Variants in ERBB4 observed in about 807,000 individuals in gnomAD.
ERBB4 encodes erb-b2 receptor tyrosine kinase 4.
Under a neutral mutation model 158.0 loss-of-function variants are expected in ERBB4, and 42 were observed. That is an observed-to-expected ratio of 0.27 (90% CI 0.21 to 0.34). ERBB4 has a LOEUF of 0.34. Among genes scored for constraint, ERBB4 ranks in the 10% least tolerant of loss-of-function variants. The pLI is 1.00. For synonymous variants in ERBB4, 583 were observed against 558.7 expected, an observed-to-expected ratio of 1.04 and a Z score of -0.61; for missense variants, 1,333 against 1,624.1, an observed-to-expected ratio of 0.82 and a Z score of 3.08.
In ERBB4 at chr2:212,509,568, T is replaced by A. The variant is rs1163958211; in HGVS notation, c.82+28881A>T. ...ACTATTAAGAATTACCTGTAAATAA[T>A]TTAATTTAAATAAGTTTATGTTCCA... On this transcript the variant is annotated intron_variant, in intron 1 of 27. Transcript: ENST00000342788. Among the ~76,000 whole-genome samples, 3 of 151,512 alleles carry A rather than the reference T, an allele frequency of 2.0e-5. No homozygotes were observed. In the East Asian group the frequency reaches 5.8e-4, roughly 29 times the overall value.
chr2:212,046,174 T>C (rs1314380754), intron 2 of ERBB4, among the ~76,000 whole-genome samples: 1 of 152,048 alleles, frequency 6.6e-6, no homozygotes, highest in Non-Finnish European at 1.5e-5. Flanking sequence ...ATATGCGAAA[T>C]CTAAAAATGG....
chr2:212,024,766 G>T (rs77411004), intron 2 of ERBB4, among the ~76,000 whole-genome samples: 9,199 of 151,742 alleles, frequency 0.061, 292 homozygotes, highest in South Asian at 0.11. Flanking sequence ...AAACAGAAAG[G>T]GTTGACTGAG....
At chr2:212,264,341 T>C (rs2085052601) in intron 1 of ERBB4, among the ~76,000 whole-genome samples, 2 of 152,118 alleles carry the variant, frequency 1.3e-5, no homozygotes, top group Non-Finnish European at 1.5e-5. Flanking sequence ...TTCATTAACA[T>C]ATACTCAGTA....
In ERBB4 at chr2:211,379,472, C is replaced by A; in HGVS notation, c.*4143G>T. On this transcript the variant is annotated 3_prime_UTR_variant, in exon 28 of 28. Coordinates refer to ENST00000342788, the MANE Select transcript of ERBB4 (RefSeq NM_005235.3). ...GTTTTCCCAAGTGGAACCATATATG[C>A]CTACTTTCAGCTAAACCCAACAAAC... 4.3e-6 allele frequency: 1 copy of A among 230,426 alleles called. No individual in the cohort carries two copies. Among genetic ancestry groups the A allele is most frequent in the Middle Eastern group, 1.3e-3 (1 of 776 alleles). 14.3% of individuals were successfully genotyped at this position (230,426 alleles called of 1,614,324 possible). A position where few individuals can be genotyped will look rare whatever the true frequency, so the allele number is the denominator to read the frequency against.
chr2:211,569,786 G>A (rs139836770), intron 19 of ERBB4, among the ~76,000 whole-genome samples: 8 of 152,296 alleles, frequency 5.3e-5, no homozygotes, highest in Non-Finnish European at 8.8e-5. Context: ...GGTGGGTAGG[G>A]ACCAAGTCAT....
chr2:212,287,768 CATGG>C (rs757220402), intron 1 of ERBB4, among the ~76,000 whole-genome samples: 4 of 152,152 alleles, frequency 2.6e-5, no homozygotes, highest in Non-Finnish European at 4.4e-5. Flanking sequence ...TTTGCAGGGA[CATGG>C]ATGGAGTTGG....
chr2:212,030,380 A>T (rs1169916651), intron 2 of ERBB4, among the ~76,000 whole-genome samples: 2 of 152,104 alleles, frequency 1.3e-5, no homozygotes, highest in Admixed American at 6.6e-5. Context: ...TCTTGCTGCA[A>T]TATAAAGTTC....
At chr2:212,225,065 T>C (rs1480730830) in intron 1 of ERBB4, among the ~76,000 whole-genome samples, 2 of 152,046 alleles carry the variant, frequency 1.3e-5, no homozygotes, top group Non-Finnish European at 2.9e-5. Flanking sequence ...TGCCAATCCA[T>C]TTATATTTTG....
chr2:211,400,512 A>G (rs2063013732), intron 25 of ERBB4, among the ~76,000 whole-genome samples: 1 of 152,134 alleles, frequency 6.6e-6, no homozygotes, highest in Non-Finnish European at 1.5e-5. Flanking sequence ...TTGAAGTAAA[A>G]TAAGCCAGGC....
chr2:212,221,339 G>A (rs1409754371), intron 1 of ERBB4, among the ~76,000 whole-genome samples: 1 of 151,450 alleles, frequency 6.6e-6, no homozygotes, highest in African/African-American at 2.4e-5. Context: ...TAGCAACAAG[G>A]ATGTTCTTGT....
intron 19 of ERBB4, among the ~76,000 whole-genome samples, chr2:211,572,273 G>GAATTA (rs2067751624): frequency 6.6e-6 from 1 of 152,082 alleles, no homozygotes; most frequent in South Asian, 2.1e-4. Flanking sequence ...AACACATGTT[G>GAATTA]AATTAAATTT....
chr2:211,668,578 T>A (rs1293539132), intron 14 of ERBB4, among the ~76,000 whole-genome samples: 1 of 152,104 alleles, frequency 6.6e-6, no homozygotes, highest in Non-Finnish European at 1.5e-5. Context: ...GCTGAATCCT[T>A]ATAGAAGCAT....
intron 20 of ERBB4, among the ~76,000 whole-genome samples, chr2:211,551,873 G>C (rs926950132): frequency 1.3e-5 from 2 of 152,236 alleles, no homozygotes; most frequent in Non-Finnish European, 2.9e-5. Flanking sequence ...AGTTACTACT[G>C]GAGAAAAATG....
At chr2:211,783,426 G>A (rs1044273353) in intron 4 of ERBB4, among the ~76,000 whole-genome samples, 1 of 152,230 alleles carries the variant, frequency 6.6e-6, no homozygotes, top group African/African-American at 2.4e-5. Flanking sequence ...TGGTGAGAGA[G>A]GGCATCCCTG....
At chr2:212,434,165 T>C (rs2092088563) in intron 1 of ERBB4, among the ~76,000 whole-genome samples, 1 of 152,004 alleles carries the variant, frequency 6.6e-6, no homozygotes, top group Non-Finnish European at 1.5e-5. Flanking sequence ...TTCACATCCA[T>C]GTAATCTAAA....
chr2:212,470,293 T>C (rs1689051819), intron 1 of ERBB4, among the ~76,000 whole-genome samples: 1 of 152,086 alleles, frequency 6.6e-6, no homozygotes, highest in Admixed American at 6.6e-5. Context: ...CTGTGCTTCT[T>C]CACCCAGTAA....
chr2:211,890,239 G>A (rs1318516485), intron 3 of ERBB4, among the ~76,000 whole-genome samples: 6 of 92,732 alleles, frequency 6.5e-5, no homozygotes, highest in Non-Finnish European at 1.3e-4. Context: ...GAAGAGAGTG[G>A]GGGCCAATAT....
chr2:211,536,415 G>T, intron 20 of ERBB4, among the ~76,000 whole-genome samples: 1 of 152,052 alleles, frequency 6.6e-6, no homozygotes, highest in Non-Finnish European at 1.5e-5. Context: ...TCAAACTGTG[G>T]ACATTACTCC....
intron 1 of ERBB4, among the ~76,000 whole-genome samples, chr2:212,141,841 A>G (rs2080488771): frequency 6.6e-6 from 1 of 152,150 alleles, no homozygotes; most frequent in Admixed American, 6.5e-5. Flanking sequence ...TTCCTCAAGT[A>G]TATTTTATAT....
Sources: allele counts gnomAD v4.1 joint callset (sites outside exome capture counted in the v4.1 genomes callset), GRCh38; gene constraint gnomAD v4.1.1; transcripts MANE v1.5; gene names NCBI Gene and HGNC (gene_info 2026-07-23, HGNC 2026-07-21).